CDK14: variants seen among roughly 807,000 people sequenced by gnomAD.
CDK14 encodes cyclin-dependent kinase 14.
CDK14 carries 34 observed loss-of-function variants against 60.7 expected under a neutral mutation model. That is an observed-to-expected ratio of 0.56 (90% confidence interval 0.43 to 0.75). CDK14 has a LOEUF of 0.75. Ranked by LOEUF, CDK14 falls within the 30% of genes least tolerant of loss-of-function variation. The pLI, the probability that CDK14 is intolerant of heterozygous loss-of-function variation, is 0.00. For missense variants in CDK14, 482 were observed against 564.1 expected (o/e 0.85, Z 1.47); for synonymous variants, 197 against 203.7 (o/e 0.97, Z 0.28).
At chr7:91,096,082 A>AC (rs1415806554) in intron 12 of CDK14, among the ~76,000 whole-genome samples, 13 of 150,930 alleles carry the variant, frequency 8.6e-5, no homozygotes, top group South Asian at 2.1e-4. Context: ...AAAAAAAAAA[A>AC]AAAAAACAGT....
chr7:90,702,390 C>A (rs4728930), intron 2 of CDK14, among the ~76,000 whole-genome samples: 85,401 of 151,854 alleles, frequency 0.56, 24,280 homozygotes, highest in East Asian at 0.77. Flanking sequence ...TGATTTCACT[C>A]TCACCCAGTG....
chr7:90,731,449 T>C (rs562670265), intron 3 of CDK14, among the ~76,000 whole-genome samples: 174 of 152,330 alleles, frequency 1.1e-3, no homozygotes, highest in African/African-American at 4.0e-3. Flanking sequence ...GCCATTTTCA[T>C]GATATTGATT....
chr7:90,627,149 A>G (rs956533073), intron 2 of CDK14, among the ~76,000 whole-genome samples: 31 of 151,914 alleles, frequency 2.0e-4, no homozygotes, highest in Admixed American at 2.0e-3. Context: ...ATACATCTCA[A>G]TTTAGACTAG....
chr7:90,616,042 A>C (rs967296406), intron 2 of CDK14, among the ~76,000 whole-genome samples: 4 of 151,940 alleles, frequency 2.6e-5, no homozygotes, highest in Non-Finnish European at 5.9e-5. Context: ...TGCAACCTTA[A>C]TTTTTTTTGG....
In CDK14 at chr7:90,596,492, C is replaced by G. The variant is rs34052294; in HGVS notation, c.-136C>G. On this transcript the variant is annotated 5_prime_UTR_variant, in exon 1 of 15. Transcript: ENST00000380050. Reference sequence around the variant, plus strand: ...CTGCCTGCTGCTCGCCTCCCTAGACCTGCGCGTCGCTTCCCGGCCCGCCGA... The same window carrying G: ...CTGCCTGCTGCTCGCCTCCCTAGACGTGCGCGTCGCTTCCCGGCCCGCCGA... 1.5e-6 allele frequency: 1 copy of G among 677,910 alleles called. No homozygotes were observed. Among genetic ancestry groups the G allele is most frequent in the Non-Finnish European group, 2.6e-6 (1 of 387,340 alleles). 42.0% of individuals were successfully genotyped at this position (677,910 alleles called of 1,614,324 possible).
intron 10 of CDK14, among the ~76,000 whole-genome samples, chr7:91,037,639 G>A (rs1281153293): frequency 1.3e-5 from 2 of 152,120 alleles, no homozygotes; most frequent in South Asian, 2.1e-4. Context: ...GATTCCAGCT[G>A]CCCCACTTTC....
intron 10 of CDK14, among the ~76,000 whole-genome samples, chr7:91,013,656 G>GTT (rs56934476): frequency 0.13 from 15,448 of 123,214 alleles, 1,043 homozygotes; most frequent in Non-Finnish European, 0.17. Flanking sequence ...CATTGCCTCT[G>GTT]TTTTTTTTTT....
At chr7:90,635,024 T>G (rs1187178123) in intron 2 of CDK14, among the ~76,000 whole-genome samples, 2 of 152,212 alleles carry the variant, frequency 1.3e-5, no homozygotes, top group African/African-American at 4.8e-5. Flanking sequence ...TTGTAGATTC[T>G]GGATATTAGC....
intron 12 of CDK14, among the ~76,000 whole-genome samples, chr7:91,103,753 A>G (rs1438937243): frequency 1.3e-5 from 2 of 152,104 alleles, no homozygotes; most frequent in East Asian, 3.9e-4. Flanking sequence ...CTCTATATTC[A>G]TGGTCTAAGA....
At chr7:90,800,224 T>A (rs148570214) in intron 5 of CDK14, among the ~76,000 whole-genome samples, 7 of 152,220 alleles carry the variant, frequency 4.6e-5, no homozygotes, top group Non-Finnish European at 8.8e-5. Flanking sequence ...AGATTTTTAA[T>A]ACAAAATGTG....
intron 6 of CDK14, among the ~76,000 whole-genome samples, chr7:90,872,667 G>A (rs1791408223): frequency 6.7e-6 from 1 of 149,054 alleles, no homozygotes; most frequent in Non-Finnish European, 1.5e-5. Context: ...TTTTTTTCCT[G>A]TTTACATCAT....
intron 2 of CDK14, among the ~76,000 whole-genome samples, chr7:90,654,805 A>G (rs1800719383): frequency 6.6e-6 from 1 of 152,168 alleles, no homozygotes; most frequent in Non-Finnish European, 1.5e-5. Context: ...ATTTAGTATA[A>G]TTCATGAACC....
At chr7:90,936,386 A>T (rs1163785756) in intron 8 of CDK14, among the ~76,000 whole-genome samples, 1 of 152,238 alleles carries the variant, frequency 6.6e-6, no homozygotes, top group East Asian at 1.9e-4. Flanking sequence ...ATCGAAATCT[A>T]GTAACATCAT....
intron 1 of CDK14, among the ~76,000 whole-genome samples, chr7:90,598,172 A>G (rs542501129): frequency 6.6e-6 from 1 of 152,360 alleles, no homozygotes; most frequent in East Asian, 1.9e-4. Context: ...ACTAATGCTA[A>G]TGATTCTGCT....
intron 2 of CDK14, among the ~76,000 whole-genome samples, chr7:90,697,800 G>A (rs1801692842): frequency 6.6e-6 from 1 of 151,912 alleles, no homozygotes; most frequent in Non-Finnish European, 1.5e-5. Flanking sequence ...CGGGCACGGT[G>A]GCTCACACCT....
At chr7:91,190,180 G>T (rs1802316322) in intron 14 of CDK14, among the ~76,000 whole-genome samples, 1 of 152,206 alleles carries the variant, frequency 6.6e-6, no homozygotes, top group South Asian at 2.1e-4. Context: ...AGGGGGTTCT[G>T]CTCATTGTTC....
intron 2 of CDK14, among the ~76,000 whole-genome samples, chr7:90,700,248 C>G (rs1032576180): frequency 1.3e-5 from 2 of 152,122 alleles, no homozygotes; most frequent in African/African-American, 4.8e-5. Flanking sequence ...CATGCACCAC[C>G]ATGCCCAGCT....
chr7:90,641,967 A>G (rs531484077), intron 2 of CDK14, among the ~76,000 whole-genome samples: 25 of 152,298 alleles, frequency 1.6e-4, no homozygotes, highest in Non-Finnish European at 1.3e-4. Context: ...TTTTAAAACC[A>G]TCAGATCTTG....
chr7:91,179,268 C>A (rs1228008765), intron 14 of CDK14, among the ~76,000 whole-genome samples: 1 of 148,584 alleles, frequency 6.7e-6, no homozygotes, highest in Non-Finnish European at 1.5e-5. Context: ...AAAACCAAAC[C>A]CCGCATATTC....
Sources: gnomAD v4.1 joint callset for allele counts (sites outside exome capture counted in the v4.1 genomes callset) on GRCh38, gnomAD v4.1.1 for gene constraint, MANE v1.5 for transcripts, NCBI Gene and HGNC (gene_info 2026-07-23, HGNC 2026-07-21) for gene names.